Variants in TNC observed in about 807,000 individuals in gnomAD.
The protein encoded by TNC is tenascin.
In TNC, 109 loss-of-function variants were observed where a neutral mutation model predicts 202.4. That is an observed-to-expected ratio of 0.54 (90% CI 0.46 to 0.63). TNC has a LOEUF of 0.63. Among genes scored for constraint, TNC ranks in the 30% least tolerant of loss-of-function variants. The probability of loss-of-function intolerance (pLI) is 0.00; values close to 1 mark genes in which losing one functional copy is unlikely to be tolerated. For synonymous variants in TNC, 1,007 were observed against 1,089.7 expected (o/e 0.92, Z 1.50); for missense variants, 2,756 against 2,833.3 (o/e 0.97, Z 0.62).
chr9:115,063,897 G>A lies in TNC; in HGVS notation c.3659C>T (p.Thr1220Ile). The change falls in exon 12 of 28, where the codon ACA becomes ATA. Residue 1220 changes from threonine to isoleucine, a missense_variant. Thr to Ile is a moderately conservative substitution (Grantham distance 89). Transcript: ENST00000350763. Reference sequence around the variant, plus strand: ...GGCTGCTTTGAGCCCAGGCAGGTCTGTGGACCTCAGTCCTCCTGGGACGGT... The same window carrying A: ...GGCTGCTTTGAGCCCAGGCAGGTCTATGGACCTCAGTCCTCCTGGGACGGT... ...NLTVPGGLRS[T>I]DLPGLKAATH... The A allele has an allele frequency of 1.2e-6, 2 of 1,614,172 alleles. No homozygotes were observed. The highest frequency in any genetic ancestry group is 1.7e-6 in the Non-Finnish European group (2 of 1,180,018).
At chr9:115,060,835 C>T (rs7865462) in intron 13 of TNC, among the ~76,000 whole-genome samples, 77,404 of 151,720 alleles carry the variant, frequency 0.51, 20,376 homozygotes, top group African/African-American at 0.63. Flanking sequence ...TTTTTCTGCT[C>T]GTACTTTATG....
chr9:115,026,273 C>T (rs1829473378), intron 26 of TNC, among the ~76,000 whole-genome samples: 1 of 152,074 alleles, frequency 6.6e-6, no homozygotes, highest in South Asian at 2.1e-4. Context: ...AAGAAAGACA[C>T]ACTTTTTTTG....
chr9:115,087,527 GGTGTGTGTGTGTGTGT>G (rs57327715), intron 2 of TNC, among the ~76,000 whole-genome samples: 1 of 148,734 alleles, frequency 6.7e-6, no homozygotes, highest in Admixed American at 6.7e-5. Flanking sequence ...TATGCATAGG[GGTGTGTGTGTGTGTGT>G]GTGTGTGTGT....
intron 1 of TNC, among the ~76,000 whole-genome samples, chr9:115,095,408 T>G (rs1259172223): frequency 1.3e-5 from 2 of 149,342 alleles, no homozygotes; most frequent in African/African-American, 4.9e-5. Flanking sequence ...ACTTTTCCTC[T>G]CTCAGTGATC....
At chr9:115,051,538 T>C (rs76904363) in intron 15 of TNC, among the ~76,000 whole-genome samples, 7 of 21,632 alleles carry the variant, frequency 3.2e-4, no homozygotes, top group African/African-American at 1.4e-3. Context: ...CTTTTTTTTC[T>C]TTTTTTTTTT....
At chr9:115,065,188 G>A (rs1409482858) in intron 10 of TNC, among the ~76,000 whole-genome samples, 1 of 152,036 alleles carries the variant, frequency 6.6e-6, no homozygotes, top group Non-Finnish European at 1.5e-5. Context: ...TTGAGGTCAG[G>A]GGTTCGAGAC....
intron 16 of TNC, among the ~76,000 whole-genome samples, chr9:115,047,611 C>T (rs547135249): frequency 1.9e-4 from 29 of 152,148 alleles, no homozygotes; most frequent in Middle Eastern, 3.4e-3. Context: ...CTTATTTGAA[C>T]GTGGAATTTC....
At chr9:115,039,842 G>A (rs576564609) in intron 19 of TNC, among the ~76,000 whole-genome samples, 4 of 152,368 alleles carry the variant, frequency 2.6e-5, no homozygotes, top group South Asian at 2.1e-4. Context: ...TTGCCGTGGA[G>A]AATCCACTGA....
chr9:115,117,254 G>A (rs899689422), intron 1 of TNC, among the ~76,000 whole-genome samples: 9 of 152,024 alleles, frequency 5.9e-5, no homozygotes, highest in African/African-American at 1.9e-4. Context: ...GGGGCAGCAG[G>A]GTTCCCATAC....
Position 115,048,303 on chromosome 9 carries a change from G to A in TNC, c.4809C>T (p.Thr1603=), listed in dbSNP as rs1405786331. The change falls in exon 16 of 28, where the codon ACC becomes ACT. Residue 1603 remains threonine (T), a synonymous_variant. Coordinates refer to ENST00000350763, the MANE Select transcript of TNC (RefSeq NM_002160.4). ...IGYEVMVSGF[T]QGHQTKPLRA... ...TCAAGGGCTTGGTTTGATGCCCTTG[G>A]GTGAAGCCAGAGACCATAACCTCAT... The A allele has an allele frequency of 6.2e-7, 1 of 1,614,026 alleles. No homozygotes were observed. The highest frequency in any genetic ancestry group is 8.5e-7 in the Non-Finnish European group (1 of 1,179,948).
At position 115,031,578 on chromosome 9, in the gene TNC, A is replaced by G. The variant is rs1466794156; in HGVS notation, c.5895T>C (p.Asn1965=). ...TTGTGGTGAAGATGGTCTGGATCATATTGCTCCTCAGGGGCCCATTGAGTG... is the reference window on the plus strand; with the variant it reads ...TTGTGGTGAAGATGGTCTGGATCATGTTGCTCCTCAGGGGCCCATTGAGTG... ...IQALNGPLRS[N]MIQTIFTTIG... Residue 1965 remains asparagine, a synonymous_variant, in exon 23 of 28, where the codon AAT becomes AAC. Coordinates refer to ENST00000350763, the MANE Select transcript of TNC (RefSeq NM_002160.4). 6.2e-7 allele frequency: 1 copy of G among 1,603,834 alleles called. No individual in the cohort carries two copies. The highest frequency in any genetic ancestry group is 8.5e-7 in the Non-Finnish European group (1 of 1,175,524).
intron 10 of TNC, among the ~76,000 whole-genome samples, chr9:115,067,007 A>G (rs948599810): frequency 6.6e-6 from 1 of 152,222 alleles, no homozygotes; most frequent in African/African-American, 2.4e-5. Flanking sequence ...CCTAAAGCTT[A>G]CACCAGAGGC....
At chr9:115,069,434 G>A (rs895796911) in intron 10 of TNC, among the ~76,000 whole-genome samples, 2 of 151,852 alleles carry the variant, frequency 1.3e-5, no homozygotes, top group African/African-American at 4.8e-5. Context: ...GAAGAGGGGA[G>A]AAGAGAGGAA....
chr9:115,060,485 C>G (rs1470448665), intron 13 of TNC, among the ~76,000 whole-genome samples: 1 of 152,202 alleles, frequency 6.6e-6, no homozygotes, highest in South Asian at 2.1e-4. Flanking sequence ...GGTACTGTTT[C>G]ATGGGATTGC....
intron 14 of TNC, 26 bp from the exon 15 acceptor site, chr9:115,057,451 A>C: frequency 6.4e-7 from 1 of 1,555,786 alleles, no homozygotes; most frequent in Non-Finnish European, 8.6e-7. Flanking sequence ...GTAGGGGAGA[A>C]GAAAAAAATA....
rs1245512488 is a variant in TNC at position 115,064,046 on chromosome 9, C to G, written c.3510G>C (p.Glu1170Asp). ...ASTGETPNLG[E>D]VVVAEVGWDA... ...CCCAGCCCACCTCGGCCACCACGAC[C>G]TCTCCCAAATTGGGAGTTTCCCCTG... The change falls in exon 12 of 28, where the codon GAG becomes GAC. Residue 1170 changes from glutamate to aspartate, a missense_variant. By Grantham distance (45) the Glu-to-Asp change is conservative (BLOSUM62 2). Coordinates refer to ENST00000350763, the MANE Select transcript of TNC (RefSeq NM_002160.4). The G allele has an allele frequency of 6.2e-7, 1 of 1,609,576 alleles. No homozygotes were observed. Among genetic ancestry groups the G allele is most frequent in the Non-Finnish European group, 8.5e-7 (1 of 1,177,034 alleles).
chr9:115,067,450 T>A (rs1833040016), intron 10 of TNC, among the ~76,000 whole-genome samples: 1 of 152,244 alleles, frequency 6.6e-6, no homozygotes, highest in Non-Finnish European at 1.5e-5. Context: ...GTCTATCTTT[T>A]AATCCTTATG....
At position 115,084,444 on chromosome 9, in the gene TNC, T is replaced by C. The variant is rs1277456666; in HGVS notation, c.1896A>G (p.Thr632=). The C allele has an allele frequency of 1.2e-6, 2 of 1,614,222 alleles. No homozygotes were observed. The highest frequency in any genetic ancestry group is 1.3e-5 in the African/African-American group (1 of 75,066). ...GGTTGACCGTCTCTTCCGTCACTTC[T>C]GTCACAACGAGGTCTTTGGGAGGAG... ...EVSPPKDLVV[T]EVTEETVNLA... The change falls in exon 4 of 28, where the codon ACA becomes ACG. Residue 632 remains threonine, a synonymous_variant. Transcript: ENST00000350763.
chr9:115,083,679 C>T (rs1409958774), intron 4 of TNC, among the ~76,000 whole-genome samples: 1 of 149,050 alleles, frequency 6.7e-6, no homozygotes, highest in African/African-American at 2.5e-5. Flanking sequence ...GATCTCAGCT[C>T]ACTACAAACT....
Sources: allele counts gnomAD v4.1 joint callset (sites outside exome capture counted in the v4.1 genomes callset), GRCh38; gene constraint gnomAD v4.1.1; transcripts MANE v1.5; gene names NCBI Gene and HGNC (gene_info 2026-07-23, HGNC 2026-07-21).